Variants in ITIH2 observed in about 807,000 individuals in gnomAD.
The protein encoded by ITIH2 is inter-alpha-trypsin inhibitor heavy chain H2.
In ITIH2, 103 loss-of-function variants were observed where a neutral mutation model predicts 104.4. The ratio of observed to expected loss-of-function variants is 0.99; its 90% CI spans 0.84 to 1.16. ITIH2 has a LOEUF of 1.16. Among genes scored for constraint, ITIH2 ranks in the 50% most tolerant of loss-of-function variants. The probability of loss-of-function intolerance (pLI) is 0.00; values close to 1 mark genes in which losing one functional copy is unlikely to be tolerated. For missense variants in ITIH2, 1,108 were observed against 1,162.4 expected (o/e 0.95, Z 0.68); for synonymous variants, 436 against 435.4 (o/e 1.00, Z -0.02).
chr10:7,741,786 T>C (rs887149527), intron 16 of ITIH2, among the ~76,000 whole-genome samples: 4 of 152,250 alleles, frequency 2.6e-5, no homozygotes, highest in African/African-American at 9.6e-5. Context: ...TTAGCTCTTT[T>C]TCTCTGCATT....
At chr10:7,721,179 T>A (rs1193536909) in intron 7 of ITIH2, among the ~76,000 whole-genome samples, 1 of 152,214 alleles carries the variant, frequency 6.6e-6, no homozygotes, top group African/African-American at 2.4e-5. Context: ...TGTCCCTTTT[T>A]GAGTCTCATT....
chr10:7,704,702 T>C (rs1258057717), intron 1 of ITIH2, among the ~76,000 whole-genome samples: 3 of 152,210 alleles, frequency 2.0e-5, no homozygotes, highest in Non-Finnish European at 4.4e-5. Flanking sequence ...GAAATCATTT[T>C]ATACAAAATT....
intron 15 of ITIH2, among the ~76,000 whole-genome samples, chr10:7,737,440 T>TCTC: frequency 7.1e-6 from 1 of 141,610 alleles, no homozygotes. Flanking sequence ...CGTGTATATA[T>TCTC]ATATATAACA....
intron 19 of ITIH2, among the ~76,000 whole-genome samples, chr10:7,745,357 C>A (rs1336583046): frequency 2.0e-5 from 3 of 152,066 alleles, no homozygotes; most frequent in Non-Finnish European, 4.4e-5. Flanking sequence ...ACAAACAAAA[C>A]TTTTTCCTGT....
intron 20 of ITIH2, among the ~76,000 whole-genome samples, chr10:7,747,003 T>C (rs1413286019): frequency 6.6e-6 from 1 of 152,200 alleles, no homozygotes; most frequent in Non-Finnish European, 1.5e-5. Context: ...CCAGACACGT[T>C]GATCAAAGGA....
intron 19 of ITIH2, among the ~76,000 whole-genome samples, chr10:7,746,073 A>T (rs1286833847): frequency 0.1 from 2,358 of 22,460 alleles, 151 homozygotes; most frequent in African/African-American, 0.16. Context: ...AAATTTAAAA[A>T]AAAAAAAAAA....
At chr10:7,712,492 A>G (rs1834805588) in intron 4 of ITIH2, among the ~76,000 whole-genome samples, 1 of 152,236 alleles carries the variant, frequency 6.6e-6, no homozygotes. Flanking sequence ...CTGATGAACC[A>G]GTAATGAGAT....
In ITIH2 at chr10:7,749,460, A is replaced by G. The variant is rs1270178506; in HGVS notation, c.*126A>G. ...AGGGTGGTTAATTAAAATGAACCAG[A>G]TATCAGGGTGGTTTATAAAGCCTGT... On this transcript the variant is annotated 3_prime_UTR_variant, in exon 21 of 21. Transcript: ENST00000358415. 9.3e-6 allele frequency: 7 copies of G among 755,042 alleles called. No individual in the cohort carries two copies. The highest frequency in any genetic ancestry group is 2.1e-5 in the South Asian group (1 of 48,358). 46.8% of individuals were successfully genotyped at this position (755,042 alleles called of 1,614,324 possible).
rs61607527 is a variant in ITIH2, at chr10:7,704,354, C to G, written c.85-754C>G. ...ATATTTTCCAACACTTAAAAGCCAC[C>G]AGAGTGTGTTAGAAATCTCAAATTG... On this transcript the variant is annotated intron_variant, in intron 1 of 20. Coordinates refer to ENST00000358415, the MANE Select transcript of ITIH2 (RefSeq NM_002216.3). 1.0e-3 allele frequency among the ~76,000 whole-genome samples: 159 copies of G among 152,364 alleles called. 2 individuals carry two copies. The highest frequency in any genetic ancestry group is 3.8e-3 in the African/African-American group (158 of 41,574).
At chr10:7,723,014 G>A (rs1420707745) in intron 8 of ITIH2, among the ~76,000 whole-genome samples, 2 of 147,806 alleles carry the variant, frequency 1.4e-5, no homozygotes. Context: ...GTCGGGTGGA[G>A]TGGAGTGGCG....
rs376469564 is a variant in ITIH2, at chr10:7,732,355, C to T, written c.1665C>T (p.Val555=). ...ITATSANTQL[V]LETLAQMDDL... ...TCATCTAGGCTAACACGCAGTTAGT[C>T]TTGGAGACCCTGGCCCAGATGGACG... The change falls in exon 14 of 21, where the codon GTC becomes GTT. Residue 555 remains valine, a synonymous_variant. Coordinates refer to ENST00000358415, the MANE Select transcript of ITIH2 (RefSeq NM_002216.3). 7 of 1,613,932 alleles carry T rather than the reference C, an allele frequency of 4.3e-6. No individual in the cohort carries two copies. Among genetic ancestry groups the T allele is most frequent in the Non-Finnish European group, 5.1e-6 (6 of 1,179,938 alleles).
intron 5 of ITIH2, among the ~76,000 whole-genome samples, chr10:7,716,763 A>ATACTCAAT (rs1233281735): frequency 6.6e-6 from 1 of 151,442 alleles, no homozygotes; most frequent in East Asian, 1.9e-4. Flanking sequence ...AAAGAGAAAC[A>ATACTCAAT]TACTCAATTT....
chr10:7,746,068 T>TA (rs372266950), intron 19 of ITIH2, among the ~76,000 whole-genome samples: 1,242 of 35,766 alleles, frequency 0.035, 27 homozygotes, highest in Non-Finnish European at 0.046. Context: ...ATCTTAAATT[T>TA]AAAAAAAAAA....
intron 16 of ITIH2, among the ~76,000 whole-genome samples, chr10:7,739,494 C>A (rs551606480): frequency 1.3e-5 from 2 of 152,234 alleles, no homozygotes; most frequent in South Asian, 4.2e-4. Context: ...CAGACCTTTC[C>A]ATCAGGAAAG....
At chr10:7,728,556 T>C (rs1834972212) in intron 11 of ITIH2, among the ~76,000 whole-genome samples, 1 of 151,426 alleles carries the variant, frequency 6.6e-6, no homozygotes, top group South Asian at 2.1e-4. Flanking sequence ...TAATTTCTTT[T>C]TTTTCTTTCT....
chr10:7,726,937 T>C lies in ITIH2; in HGVS notation c.985-13T>C. 1 of 1,583,268 alleles carries C rather than the reference T, an allele frequency of 6.3e-7. No individual in the cohort carries two copies. The highest frequency in any genetic ancestry group is 8.6e-7 in the Non-Finnish European group (1 of 1,163,162). On this transcript the variant is annotated splice_polypyrimidine_tract_variant and intron_variant, in intron 9 of 20. Transcript: ENST00000358415. ...TCTGTAATGGGACCTGTCTTTATTC[T>C]CTATTGAAATAGACTGTGGAAGCAA...
chr10:7,719,661 T>C (rs1440209466), intron 6 of ITIH2, among the ~76,000 whole-genome samples: 1 of 145,016 alleles, frequency 6.9e-6, no homozygotes, highest in Non-Finnish European at 1.5e-5. Flanking sequence ...CTTGGGAGGC[T>C]GAGGCAGGAG....
At position 7,732,332 on chromosome 10, in the gene ITIH2, A is replaced by G. The variant is rs768338764; in HGVS notation, c.1648-6A>G. 2 of 1,612,090 alleles carry G rather than the reference A, an allele frequency of 1.2e-6. No individual in the cohort carries two copies. Among genetic ancestry groups the G allele is most frequent in the Non-Finnish European group, 1.7e-6 (2 of 1,178,314 alleles). On this transcript the variant is annotated splice_polypyrimidine_tract_variant and splice_region_variant and intron_variant, in intron 13 of 20. Coordinates refer to ENST00000358415, the MANE Select transcript of ITIH2 (RefSeq NM_002216.3). Reference sequence around the variant, plus strand: ...GTGTCTCTCAACTGAACCTTCCATCATCTAGGCTAACACGCAGTTAGTCTT... The same window carrying G: ...GTGTCTCTCAACTGAACCTTCCATCGTCTAGGCTAACACGCAGTTAGTCTT...
chr10:7,730,713 G>T (rs1015954740), intron 12 of ITIH2, among the ~76,000 whole-genome samples: 10 of 152,158 alleles, frequency 6.6e-5, no homozygotes, highest in Non-Finnish European at 2.9e-5. Context: ...CTACTTGTTT[G>T]TTTTGATTAA....
Sources: gnomAD v4.1 joint callset for allele counts (sites outside exome capture counted in the v4.1 genomes callset) on GRCh38, gnomAD v4.1.1 for gene constraint, MANE v1.5 for transcripts, NCBI Gene and HGNC (gene_info 2026-07-23, HGNC 2026-07-21) for gene names.